The following KHDRBS3 variants were observed in gnomAD, a reference collection of about 807,000 sequenced individuals.
The protein encoded by KHDRBS3 is KH RNA binding domain containing, signal transduction associated 3, also known as KH domain-containing, RNA-binding, signal transduction-associated protein 3.
A neutral mutation model predicts 45.6 loss-of-function variants in KHDRBS3; 23 were observed. The observed-to-expected ratio is 0.50, with a 90% CI of 0.36 to 0.72. The LOEUF (loss-of-function observed/expected upper bound fraction) is 0.72, where lower values mean the gene tolerates loss of function less well. Among genes scored for constraint, KHDRBS3 ranks in the 30% least tolerant of loss-of-function variants. The pLI is 0.00. For synonymous variants in KHDRBS3, 162 were observed against 156.5 expected (o/e 1.04, Z -0.26); for missense variants, 352 against 424.8 (o/e 0.83, Z 1.51).
intron 1 of KHDRBS3, among the ~76,000 whole-genome samples, chr8:135,485,036 A>C (rs1202981907): frequency 6.6e-6 from 1 of 152,202 alleles, no homozygotes; most frequent in Non-Finnish European, 1.5e-5. Flanking sequence ...CACTGTATAC[A>C]GTGTGATAAA....
At chr8:135,622,763 G>A (rs1830199763) in intron 7 of KHDRBS3, among the ~76,000 whole-genome samples, 1 of 152,196 alleles carries the variant, frequency 6.6e-6, no homozygotes, top group Non-Finnish European at 1.5e-5. Flanking sequence ...GGTATCGGAA[G>A]AGCCAAGTAA....
Position 135,647,204 on chromosome 8 carries a change from A to C in KHDRBS3, c.*120A>C, listed in dbSNP as rs1831327757. ...ATCAGAATGCTTAAAATCTGAATGG[A>C]TGGAACTTAAAACTACTTTGTTGAA... On this transcript the variant is annotated 3_prime_UTR_variant, in exon 9 of 9. Transcript: ENST00000355849. 1 of 366,736 alleles carries C rather than the reference A, an allele frequency of 2.7e-6. No homozygotes were observed. The highest frequency in any genetic ancestry group is 5.0e-6 in the Non-Finnish European group (1 of 199,356). The allele number at this position is 366,736 out of a possible 1,614,324, so 22.7% of individuals were successfully genotyped here. A position where few individuals can be genotyped will look rare whatever the true frequency, so the allele number is the denominator to read the frequency against.
intron 1 of KHDRBS3, among the ~76,000 whole-genome samples, chr8:135,512,983 C>T (rs1403736419): frequency 5.9e-5 from 9 of 152,040 alleles, no homozygotes; most frequent in South Asian, 4.1e-4. Flanking sequence ...GAGGCCGAGG[C>T]GGGCGGATGA....
At chr8:135,548,668 G>A in intron 3 of KHDRBS3, 86 bp from the exon 4 acceptor site, 2 of 1,074,802 alleles carry the variant, frequency 1.9e-6, no homozygotes, top group Non-Finnish European at 2.5e-6. Flanking sequence ...TTATTTTGGG[G>A]GTTAGTTTTT....
chr8:135,457,979 G>T lies in KHDRBS3; in HGVS notation c.88+25G>T. On this transcript the variant is annotated intron_variant, in intron 1 of 8. Coordinates refer to ENST00000355849, the MANE Select transcript of KHDRBS3 (RefSeq NM_006558.3). This position sits in a 1 kb window ranked among gnomAD's most constrained non-coding sequence, Gnocchi z 4.4. ...GGTGAGGCGCCGGCCGTTAACTGCC[G>T]GCCGGCGGCGGTTGGGGGCCGGGTG... The T allele has an allele frequency of 6.4e-7, 1 of 1,563,438 alleles. No homozygotes were observed. Among genetic ancestry groups the T allele is most frequent in the Non-Finnish European group, 8.6e-7 (1 of 1,156,182 alleles).
intron 8 of KHDRBS3, 97 bp downstream of exon 8, chr8:135,645,214 T>A: frequency 8.2e-7 from 1 of 1,224,454 alleles, no homozygotes; most frequent in Non-Finnish European, 1.2e-6. Flanking sequence ...ACATTTGGAC[T>A]CTGAAACAGC....
chr8:135,497,726 G>A (rs891387847), intron 1 of KHDRBS3, among the ~76,000 whole-genome samples: 2 of 152,076 alleles, frequency 1.3e-5, no homozygotes, highest in Non-Finnish European at 2.9e-5. Context: ...TGCTCTTTAT[G>A]CACTGAAGTT....
At chr8:135,634,604 C>T (rs1005956404) in intron 7 of KHDRBS3, among the ~76,000 whole-genome samples, 1 of 152,060 alleles carries the variant, frequency 6.6e-6, no homozygotes, top group Non-Finnish European at 1.5e-5. Flanking sequence ...TAAAACATGC[C>T]AGTTAGGGAA....
chr8:135,500,651 T>C (rs975929906), intron 1 of KHDRBS3, among the ~76,000 whole-genome samples: 1 of 152,180 alleles, frequency 6.6e-6, no homozygotes, highest in Non-Finnish European at 1.5e-5. Flanking sequence ...TTAAGGTCAC[T>C]CAACTAGTTT....
intron 7 of KHDRBS3, among the ~76,000 whole-genome samples, chr8:135,623,821 C>T (rs1170306862): frequency 6.6e-6 from 1 of 152,126 alleles, no homozygotes; most frequent in Non-Finnish European, 1.5e-5. Context: ...GCATGCACTA[C>T]ACAACAATTT....
At chr8:135,655,968 A>C (rs535290150) in intron 4 of KHDRBS3, among the ~76,000 whole-genome samples, 1 of 152,204 alleles carries the variant, frequency 6.6e-6, no homozygotes, top group Non-Finnish European at 1.5e-5. Context: ...CCATGCTGAA[A>C]TCACTCCATG....
rs562865859 is a variant in KHDRBS3, at chr8:135,560,193, A to G, written c.611+2606A>G. ...ACAGTTTATTTTTAGTGATATATAT[A>G]TATCTCTTATGATGAACACTATATG... On this transcript the variant is annotated intron_variant, in intron 5 of 8. Coordinates refer to ENST00000355849, the MANE Select transcript of KHDRBS3 (RefSeq NM_006558.3). Among the ~76,000 whole-genome samples, 4 of 152,290 alleles carry G rather than the reference A, an allele frequency of 2.6e-5. No individual in the cohort carries two copies. In the East Asian group the frequency reaches 7.7e-4, roughly 29 times the overall value.
chr8:135,565,662 T>C (rs1297972293), intron 5 of KHDRBS3, among the ~76,000 whole-genome samples: 1 of 152,286 alleles, frequency 6.6e-6, no homozygotes, highest in African/African-American at 2.4e-5. Context: ...ACACAGAATC[T>C]GTGGCTCCCT....
chr8:135,625,853 G>A, intron 7 of KHDRBS3: 1 of 768,838 alleles, frequency 1.3e-6, no homozygotes, highest in Non-Finnish European at 2.4e-6. Flanking sequence ...ACTGACACTA[G>A]GCAGCCCCTG....
chr8:135,481,270 G>T (rs1822562749), intron 1 of KHDRBS3, among the ~76,000 whole-genome samples: 2 of 46,038 alleles, frequency 4.3e-5, no homozygotes, highest in Non-Finnish European at 7.1e-5. Context: ...AGCCTTCTGT[G>T]TACTTTTTTT....
In KHDRBS3 at chr8:135,543,649, T is replaced by A. The variant is rs1826150477; in HGVS notation, c.324+879T>A. 2.6e-5 allele frequency among the ~76,000 whole-genome samples: 4 copies of A among 152,240 alleles called. No homozygotes were observed. In the South Asian group the frequency reaches 8.3e-4, roughly 32 times the overall value. Reference sequence around the variant, plus strand: ...GCTGTGTGAAACATGTTACATGCATTCCTTCATGTTATCCTTGGAAAAATG... The same window carrying A: ...GCTGTGTGAAACATGTTACATGCATACCTTCATGTTATCCTTGGAAAAATG... On this transcript the variant is annotated intron_variant, in intron 3 of 8. Coordinates refer to ENST00000355849, the MANE Select transcript of KHDRBS3 (RefSeq NM_006558.3).
chr8:135,600,312 T>G (rs775839211), intron 6 of KHDRBS3, among the ~76,000 whole-genome samples: 2 of 152,182 alleles, frequency 1.3e-5, no homozygotes, highest in Non-Finnish European at 2.9e-5. Context: ...GCATTAGAAA[T>G]CCAGGATCAG....
At chr8:135,564,383 T>C (rs185061761) in intron 5 of KHDRBS3, among the ~76,000 whole-genome samples, 1 of 152,316 alleles carries the variant, frequency 6.6e-6, no homozygotes, top group East Asian at 1.9e-4. Flanking sequence ...TGAAATAAAA[T>C]ATTTCCTTTC....
intron 6 of KHDRBS3, among the ~76,000 whole-genome samples, chr8:135,602,811 A>C (rs1487191474): frequency 2.0e-5 from 3 of 152,196 alleles, no homozygotes; most frequent in African/African-American, 7.2e-5. Flanking sequence ...CACAACATGA[A>C]TGATGTCATC....
Sources: gnomAD v4.1 joint callset for allele counts (sites outside exome capture counted in the v4.1 genomes callset) on GRCh38, gnomAD v4.1.1 for gene constraint, Gnocchi (gnomAD v3.1) non-coding constraint, MANE v1.5 for transcripts, NCBI Gene and HGNC (gene_info 2026-07-23, HGNC 2026-07-21) for gene names.